Variants in RASA1 observed in about 807,000 individuals in gnomAD.
The protein encoded by RASA1 is ras GTPase-activating protein 1.
Under a neutral mutation model 132.2 loss-of-function variants are expected in RASA1, and 25 were observed. The observed-to-expected ratio is 0.19, with a 90% CI of 0.14 to 0.26. The LOEUF is 0.26. RASA1 is among the 10% of genes least tolerant of loss of function. The pLI is 1.00. For missense variants in RASA1, 964 were observed against 1,299.2 expected (o/e 0.74, Z 3.97); for synonymous variants, 477 against 449.9 (o/e 1.06, Z -0.76).
intron 1 of RASA1, among the ~76,000 whole-genome samples, chr5:87,281,305 TGATCTCGTCTCACTGC>T (rs1470669608): frequency 1.3e-5 from 2 of 151,108 alleles, no homozygotes; most frequent in East Asian, 2.0e-4. Flanking sequence ...TGCAATGGCG[TGATCTCGTCTCACTGC>T]AATCTCGTCT....
chr5:87,327,793 C>T (rs1387037614), intron 1 of RASA1, among the ~76,000 whole-genome samples: 2 of 152,008 alleles, frequency 1.3e-5, no homozygotes, highest in Non-Finnish European at 1.5e-5. Flanking sequence ...GGTGAAACCC[C>T]GTCTCTACTA....
At chr5:87,339,332 T>C (rs1758269634) in intron 5 of RASA1, among the ~76,000 whole-genome samples, 1 of 152,186 alleles carries the variant, frequency 6.6e-6, no homozygotes, top group South Asian at 2.1e-4. Context: ...GAGCTAGGAT[T>C]AGGACTCCTA....
chr5:87,293,596 A>G (rs560596288), intron 1 of RASA1, among the ~76,000 whole-genome samples: 9 of 152,330 alleles, frequency 5.9e-5, no homozygotes. Context: ...TTGTCCTCAC[A>G]GAATGACTTA....
rs951049219 is a variant in RASA1, at chr5:87,268,308, C to G, written c.-144C>G. 1 of 1,166,846 alleles carries G rather than the reference C, an allele frequency of 8.6e-7. No homozygotes were observed. Among genetic ancestry groups the G allele is most frequent in the Non-Finnish European group, 1.2e-6 (1 of 856,488 alleles). 72.3% of individuals were successfully genotyped at this position (1,166,846 alleles called of 1,614,324 possible). A position where few individuals can be genotyped will look rare whatever the true frequency, so the allele number is the denominator to read the frequency against. On this transcript the variant is annotated 5_prime_UTR_variant, in exon 1 of 25. Transcript: ENST00000274376. ...GTGGCCCTAGGAGGGGGCGCGGCGG[C>G]GGGCTCTCTCCTTTTGTTGTTGTTT... is the stretch of plus-strand genomic sequence containing the variant.
chr5:87,287,420 CATATATACACACCATATATATACACCAT>C (rs1754669452), intron 1 of RASA1, among the ~76,000 whole-genome samples: 1 of 136,170 alleles, frequency 7.3e-6, no homozygotes, highest in Non-Finnish European at 1.6e-5. Flanking sequence ...ATATATACAC[CATATATACACACCATATATATACACCAT>C]ATATATACCA....
At chr5:87,306,080 A>G (rs1445650548) in intron 1 of RASA1, among the ~76,000 whole-genome samples, 1 of 152,212 alleles carries the variant, frequency 6.6e-6, no homozygotes, top group African/African-American at 2.4e-5. Flanking sequence ...AGATCTAAAG[A>G]TAGAAATACC....
intron 1 of RASA1, among the ~76,000 whole-genome samples, chr5:87,298,011 A>T (rs981909342): frequency 6.6e-6 from 1 of 151,994 alleles, no homozygotes; most frequent in Non-Finnish European, 1.5e-5. Flanking sequence ...TTGCCCTGTG[A>T]CCTCACTTCT....
At chr5:87,376,742 A>G in intron 16 of RASA1, 139 bp from the exon 17 acceptor site, 5 of 1,207,548 alleles carry the variant, frequency 4.1e-6, no homozygotes, top group Non-Finnish European at 5.8e-6. Flanking sequence ...CTACGAATTC[A>G]TTCTATTTTA....
intron 5 of RASA1, among the ~76,000 whole-genome samples, chr5:87,338,958 A>C (rs1758243241): frequency 6.6e-6 from 1 of 152,122 alleles, no homozygotes; most frequent in Non-Finnish European, 1.5e-5. Context: ...ACAGGTCAGC[A>C]TTTGAATGGC....
chr5:87,305,924 A>G (rs983080200), intron 1 of RASA1, among the ~76,000 whole-genome samples: 2 of 152,212 alleles, frequency 1.3e-5, no homozygotes, highest in African/African-American at 2.4e-5. Context: ...CAAAGCCACA[A>G]TGACACCAGT....
intron 1 of RASA1, among the ~76,000 whole-genome samples, chr5:87,288,913 A>G (rs955762770): frequency 6.6e-6 from 1 of 152,140 alleles, no homozygotes; most frequent in African/African-American, 2.4e-5. Flanking sequence ...TTTCCATTGA[A>G]ATACTTTATC....
chr5:87,349,412 G>A, intron 8 of RASA1, 48 bp downstream of exon 8: 1 of 1,591,570 alleles, frequency 6.3e-7, no homozygotes, highest in Non-Finnish European at 8.6e-7. Flanking sequence ...AAAAATAGTT[G>A]AAATCTTGAT....
In RASA1 at chr5:87,383,353, TA is replaced by T. The variant is rs564571055; in HGVS notation, c.2691-358del. On this transcript the variant is annotated intron_variant, in intron 20 of 24. Transcript: ENST00000274376. ...ACTCCTGTGGTATTTCAGAAATTCT[TA>T]AGATTCCTGAGGATACTACTTTCTC... Among the ~76,000 whole-genome samples the T allele has an allele frequency of 4.6e-5, 7 of 152,260 alleles. No individual in the cohort carries two copies. In the East Asian group the frequency reaches 1.4e-3, roughly 29 times the overall value.
At chr5:87,367,039 C>G (rs952289129) in intron 11 of RASA1, among the ~76,000 whole-genome samples, 2 of 152,096 alleles carry the variant, frequency 1.3e-5, no homozygotes, top group African/African-American at 4.8e-5. Flanking sequence ...TCAAACAAAA[C>G]TAAACCAAAA....
At chr5:87,388,266 A>G (rs961366046) in intron 23 of RASA1, among the ~76,000 whole-genome samples, 2 of 152,170 alleles carry the variant, frequency 1.3e-5, no homozygotes, top group African/African-American at 4.8e-5. Context: ...TGTCCCATAG[A>G]TAACATTGTT....
At chr5:87,345,815 T>C (rs1758819820) in intron 6 of RASA1, among the ~76,000 whole-genome samples, 2 of 152,110 alleles carry the variant, frequency 1.3e-5, no homozygotes, top group Non-Finnish European at 2.9e-5. Flanking sequence ...TAAAAATACT[T>C]GTAGACCCTA....
intron 6 of RASA1, among the ~76,000 whole-genome samples, chr5:87,346,395 G>C (rs1301398041): frequency 2.0e-5 from 3 of 151,870 alleles, no homozygotes; most frequent in African/African-American, 7.2e-5. Flanking sequence ...ACCTATAACA[G>C]TCTGTTATTA....
chr5:87,306,828 C>T (rs1055272008), intron 1 of RASA1, among the ~76,000 whole-genome samples: 5 of 152,076 alleles, frequency 3.3e-5, no homozygotes, highest in African/African-American at 7.2e-5. Flanking sequence ...CCTCCTTTCT[C>T]GTACTGTACA....
At chr5:87,362,710 A>T (rs2112457663) in intron 10 of RASA1, 39 bp downstream of exon 10, 1 of 1,587,254 alleles carries the variant, frequency 6.3e-7, no homozygotes, top group Non-Finnish European at 8.6e-7. Context: ...TTTGATAGAG[A>T]CGTTGTAAAT....
Sources: allele counts gnomAD v4.1 joint callset (sites outside exome capture counted in the v4.1 genomes callset), GRCh38; gene constraint gnomAD v4.1.1; transcripts MANE v1.5; gene names NCBI Gene and HGNC (gene_info 2026-07-23, HGNC 2026-07-21).